The following ANKRD11 variants were observed in gnomAD, a reference collection of about 807,000 sequenced individuals.
ANKRD11 encodes ankyrin repeat domain 11.
ANKRD11 carries 17 observed loss-of-function variants against 195.7 expected under a neutral mutation model. That is an observed-to-expected ratio of 0.09 (90% CI 0.06 to 0.13). The LOEUF (loss-of-function observed/expected upper bound fraction) is 0.13, where lower values mean the gene tolerates loss of function less well. Among genes scored for constraint, ANKRD11 ranks in the 10% least tolerant of loss-of-function variants. ANKRD11 has a pLI of 1.00. For missense variants in ANKRD11, 3,735 were observed against 3,566.1 expected (o/e 1.05, Z -1.21); for synonymous variants, 1,953 against 1,528.1 (o/e 1.28, Z -6.49).
intron 3 of ANKRD11, among the ~76,000 whole-genome samples, chr16:89,315,757 T>C (rs558762535): frequency 9.3e-4 from 142 of 152,288 alleles, no homozygotes; most frequent in Middle Eastern, 3.4e-3. Flanking sequence ...ATTCACAAAA[T>C]GCTTCACGAT....
At chr16:89,392,134 G>T (rs937777122) in intron 2 of ANKRD11, among the ~76,000 whole-genome samples, 6 of 152,298 alleles carry the variant, frequency 3.9e-5, no homozygotes, top group Admixed American at 2.6e-4. Context: ...ACCGGACACA[G>T]CAGTTGGTAT....
intron 2 of ANKRD11, among the ~76,000 whole-genome samples, chr16:89,412,962 C>T (rs766157667): frequency 7.9e-5 from 12 of 152,124 alleles, no homozygotes; most frequent in Non-Finnish European, 1.6e-4. Context: ...TAAAAGCACA[C>T]ATGAGGGAAA....
At chr16:89,363,861 G>C (rs576559320) in intron 2 of ANKRD11, among the ~76,000 whole-genome samples, 6 of 152,116 alleles carry the variant, frequency 3.9e-5, no homozygotes, top group Admixed American at 3.3e-4. Context: ...TTCGAGACCA[G>C]CCTGGCCATC....
At chr16:89,339,355 G>GCAAACAAA (rs113752085) in intron 2 of ANKRD11, among the ~76,000 whole-genome samples, 84 of 152,142 alleles carry the variant, frequency 5.5e-4, no homozygotes, top group African/African-American at 1.9e-3. Context: ...GCTTACACTA[G>GCAAACAAA]CAAACAAACA....
At chr16:89,381,263 C>T (rs2040633190) in intron 2 of ANKRD11, among the ~76,000 whole-genome samples, 1 of 140,364 alleles carries the variant, frequency 7.1e-6, no homozygotes, top group South Asian at 2.4e-4. Context: ...ACCCGGGAGG[C>T]GGAGGTTGCA....
chr16:89,388,713 A>T (rs113278810), intron 2 of ANKRD11, among the ~76,000 whole-genome samples: 5 of 151,990 alleles, frequency 3.3e-5, no homozygotes, highest in African/African-American at 1.2e-4. Flanking sequence ...CATCCACACA[A>T]AGAAGAGCCG....
Position 89,281,912 on chromosome 16 carries a change from C to T in ANKRD11, c.4630G>A (p.Asp1544Asn), listed in dbSNP as rs761378635. The T allele has an allele frequency of 8.1e-6, 13 of 1,613,394 alleles. No individual in the cohort carries two copies. The highest frequency in any genetic ancestry group is 2.2e-5 in the South Asian group (2 of 91,080). Residue 1544 changes from aspartate (D) to asparagine (N), a missense_variant, in exon 9 of 13, where the codon GAC becomes AAC. Asp to Asn is a conservative substitution (Grantham distance 23, BLOSUM62 1). Transcript: ENST00000301030. This position sits in a 1 kb window ranked among gnomAD's most constrained non-coding sequence, Gnocchi z 5.5. ...FKDGAEKEKG[D>N]PVKMSNGNDK... is the part of the protein sequence containing the mutation. The stretch of plus-strand genomic sequence containing the variant: ...TTCCCGTTGCTCATCTTCACTGGGT[C>T]GCCCTTTTCTTTCTCTGCACCGTCC...
Position 89,284,551 on chromosome 16 carries a change from G to A in ANKRD11, c.1991C>T (p.Ser664Phe). The A allele has an allele frequency of 6.2e-7, 1 of 1,614,048 alleles. No homozygotes were observed. Among genetic ancestry groups the A allele is most frequent in the Non-Finnish European group, 8.5e-7 (1 of 1,180,024 alleles). The change falls in exon 9 of 13, where the codon TCC becomes TTC. Residue 664 changes from serine to phenylalanine, a missense_variant. Ser to Phe is a radical substitution (Grantham distance 155, BLOSUM62 -2). Transcript: ENST00000301030. ...LKSFTYEYEDSKQKSDKAILL... is the reference protein window; with the variant it reads ...LKSFTYEYEDFKQKSDKAILL... ...TATAGCCTTATCTGACTTCTGCTTG[G>A]AGTCCTCATATTCGTAAGTAAAACT... is the stretch of plus-strand genomic sequence containing the variant.
intron 10 of ANKRD11, 33 bp from the exon 11 acceptor site, chr16:89,274,990 C>G (rs779305495): frequency 1.2e-6 from 2 of 1,612,700 alleles, no homozygotes; most frequent in Non-Finnish European, 1.7e-6. Context: ...TGAGCTGGGA[C>G]ACAGCCACGC....
chr16:89,397,700 G>A (rs1036763511), intron 2 of ANKRD11, among the ~76,000 whole-genome samples: 7 of 152,212 alleles, frequency 4.6e-5, no homozygotes, highest in South Asian at 2.1e-4. Context: ...ATGCTGACCC[G>A]GTACTGCTCT....
At chr16:89,334,264 C>T (rs2038230590) in intron 2 of ANKRD11, among the ~76,000 whole-genome samples, 2 of 151,962 alleles carry the variant, frequency 1.3e-5, no homozygotes, top group South Asian at 2.1e-4. Flanking sequence ...CATCAATGGC[C>T]TTCACAATCC....
intron 2 of ANKRD11, among the ~76,000 whole-genome samples, chr16:89,339,572 T>G (rs775561143): frequency 2.2e-4 from 34 of 152,354 alleles, no homozygotes; most frequent in Non-Finnish European, 4.6e-4. Flanking sequence ...AATGGGTTAT[T>G]ATATTTTATA....
intron 3 of ANKRD11, among the ~76,000 whole-genome samples, chr16:89,312,195 G>A (rs1298697010): frequency 1.3e-5 from 2 of 152,182 alleles, no homozygotes; most frequent in Non-Finnish European, 2.9e-5. Flanking sequence ...ACCGCACCTG[G>A]CCAGGAACTT....
chr16:89,465,172 A>G (rs867615107), intron 1 of ANKRD11, among the ~76,000 whole-genome samples: 1 of 152,256 alleles, frequency 6.6e-6, no homozygotes, highest in South Asian at 2.1e-4. Flanking sequence ...GTCAGAGAAC[A>G]TGCGGCCACA....
chr16:89,288,700 T>C (rs1287710954), intron 6 of ANKRD11, 30 bp from the exon 7 acceptor site: 3 of 1,613,582 alleles, frequency 1.9e-6, no homozygotes, highest in East Asian at 2.2e-5. Flanking sequence ...ACGTACGTTA[T>C]TTAATCCTCA....
intron 2 of ANKRD11, among the ~76,000 whole-genome samples, chr16:89,415,559 C>T (rs1308621437): frequency 1.3e-4 from 20 of 151,630 alleles, no homozygotes; most frequent in African/African-American, 1.9e-4. Context: ...CCACTGCGCC[C>T]GGCAAGCTAT....
chr16:89,374,337 T>TAA lies in ANKRD11; in HGVS notation c.-60+43945_-60+43946dup, dbSNP rs749237535. On this transcript the variant is annotated intron_variant, in intron 2 of 12. Transcript: ENST00000301030. ...AGTTATGGCTCACCATGTGTTTTTG[T>TAA]AAAAAAAATAATAATAATAATAATC... 4.2e-3 allele frequency among the ~76,000 whole-genome samples: 630 copies of TAA among 148,954 alleles called. 13 individuals are homozygous for TAA. Among genetic ancestry groups the TAA allele is most frequent in the South Asian group, 1.9e-3 (9 of 4,700 alleles).
At chr16:89,383,256 A>G (rs1219474494) in intron 2 of ANKRD11, among the ~76,000 whole-genome samples, 1 of 152,218 alleles carries the variant, frequency 6.6e-6, no homozygotes, top group South Asian at 2.1e-4. Context: ...AAAGCTCAAG[A>G]TAACCGGCTC....
chr16:89,462,237 G>A (rs1371985914), intron 1 of ANKRD11, among the ~76,000 whole-genome samples: 4 of 152,290 alleles, frequency 2.6e-5, no homozygotes, highest in South Asian at 2.1e-4. Context: ...ACGCCGCCAC[G>A]CCTGACTGGT....
Sources: gnomAD v4.1 joint callset for allele counts (sites outside exome capture counted in the v4.1 genomes callset) on GRCh38, gnomAD v4.1.1 for gene constraint, Gnocchi (gnomAD v3.1) non-coding constraint, MANE v1.5 for transcripts, NCBI Gene and HGNC (gene_info 2026-07-23, HGNC 2026-07-21) for gene names.